SNX29: variants seen among roughly 807,000 people sequenced by gnomAD.
The protein encoded by SNX29 is sorting nexin 29, also known as sorting nexin-29.
A neutral mutation model predicts 102.1 loss-of-function variants in SNX29; 78 were observed. The ratio of observed to expected loss-of-function variants is 0.76; its 90% CI spans 0.64 to 0.92. The LOEUF is 0.92. Among genes scored for constraint, SNX29 ranks in the 40% least tolerant of loss-of-function variants. The pLI is 0.00. For missense variants in SNX29, 1,280 were observed against 1,061.7 expected, an observed-to-expected ratio of 1.21 and a Z score of -2.86; for synonymous variants, 580 against 414.5, an observed-to-expected ratio of 1.40 and a Z score of -4.85.
At chr16:12,204,034 CA>C (rs1033531176) in intron 14 of SNX29, among the ~76,000 whole-genome samples, 1 of 152,214 alleles carries the variant, frequency 6.6e-6, no homozygotes, top group African/African-American at 2.4e-5. Flanking sequence ...CGTTAGTACA[CA>C]ATCAACAAGA....
At chr16:12,491,966 T>C (rs969777817) in intron 19 of SNX29, among the ~76,000 whole-genome samples, 1 of 152,222 alleles carries the variant, frequency 6.6e-6, no homozygotes, top group Non-Finnish European at 1.5e-5. Flanking sequence ...TCTTTGCTAT[T>C]GTGAATAGTG....
intron 18 of SNX29, among the ~76,000 whole-genome samples, chr16:12,466,874 C>T (rs576762295): frequency 6.6e-6 from 1 of 152,152 alleles, no homozygotes; most frequent in East Asian, 1.9e-4. Flanking sequence ...CATGAGTCCT[C>T]TAACAGAGGC....
At chr16:12,387,555 A>G (rs1455911656) in intron 16 of SNX29, among the ~76,000 whole-genome samples, 1 of 152,094 alleles carries the variant, frequency 6.6e-6, no homozygotes, top group Non-Finnish European at 1.5e-5. Context: ...AGGGTGAGAA[A>G]GGCCATTTTG....
At chr16:12,457,835 C>G (rs550181973) in intron 18 of SNX29, among the ~76,000 whole-genome samples, 1 of 152,328 alleles carries the variant, frequency 6.6e-6, no homozygotes, top group East Asian at 1.9e-4. Flanking sequence ...GGTAAATTAA[C>G]TGTATTACGA....
intron 1 of SNX29, among the ~76,000 whole-genome samples, chr16:11,998,028 G>A (rs1458673767): frequency 6.6e-6 from 1 of 152,196 alleles, no homozygotes; most frequent in Non-Finnish European, 1.5e-5. Flanking sequence ...TTCCTGGCAT[G>A]TAGGATGCGC....
At chr16:12,265,274 GA>G (rs1489509843) in intron 14 of SNX29, among the ~76,000 whole-genome samples, 2 of 152,166 alleles carry the variant, frequency 1.3e-5, no homozygotes, top group African/African-American at 4.8e-5. Flanking sequence ...ACTTGGGGGG[GA>G]GAAACATGAG....
At chr16:12,414,275 GA>G (rs2084532743) in intron 18 of SNX29, among the ~76,000 whole-genome samples, 1 of 152,204 alleles carries the variant, frequency 6.6e-6, no homozygotes, top group Admixed American at 6.5e-5. Context: ...TCAGCAGACT[GA>G]GGTAAGAGAA....
At chr16:12,438,601 A>T (rs8062966) in intron 18 of SNX29, among the ~76,000 whole-genome samples, 60,064 of 152,132 alleles carry the variant, frequency 0.39, 12,226 homozygotes, top group African/African-American at 0.49. Context: ...AGAGGCAGTG[A>T]GGCTGCCTGG....
rs754336940 is a variant in SNX29, at chr16:12,052,067, A to G, written c.969A>G (p.Ser323=). The change falls in exon 8 of 21, where the codon TCA becomes TCG. Residue 323 remains serine (S), a synonymous_variant. Transcript: ENST00000566228. ...PNSNGSQSSN[S]WKIDSLSLNG... is the part of the protein sequence containing the mutation. ...CCAATGGAAGTCAGAGCAGCAACTCATGGAAAATTGATTCCCTGTCTTTGA... is the reference window on the plus strand; with the variant it reads ...CCAATGGAAGTCAGAGCAGCAACTCGTGGAAAATTGATTCCCTGTCTTTGA... 6.2e-6 allele frequency: 10 copies of G among 1,612,542 alleles called. No homozygotes were observed. The East Asian group carries it at 6.7e-5, about 11-fold the overall frequency.
At chr16:12,193,362 T>C (rs1002999498) in intron 13 of SNX29, among the ~76,000 whole-genome samples, 1 of 150,724 alleles carries the variant, frequency 6.6e-6, no homozygotes, top group Non-Finnish European at 1.5e-5. Context: ...CCCAGCTACT[T>C]GGGATCTGAG....
chr16:12,192,923 A>T (rs1313086461), intron 13 of SNX29, among the ~76,000 whole-genome samples: 1 of 152,124 alleles, frequency 6.6e-6, no homozygotes, highest in Non-Finnish European at 1.5e-5. Flanking sequence ...GCTGGTCTTG[A>T]ACTCCTGACC....
intron 18 of SNX29, among the ~76,000 whole-genome samples, chr16:12,436,658 C>T (rs376314849): frequency 3.9e-5 from 6 of 152,196 alleles, no homozygotes; most frequent in Admixed American, 1.3e-4. Context: ...ACTTTCTGAC[C>T]GGGGGACTTT....
chr16:12,500,374 C>T (rs570294739), intron 19 of SNX29, among the ~76,000 whole-genome samples: 22 of 152,148 alleles, frequency 1.4e-4, no homozygotes, highest in Admixed American at 3.9e-4. Context: ...ACCCAGAAGG[C>T]GGAAATAACT....
chr16:12,547,643 A>T (rs1300161453), intron 20 of SNX29, among the ~76,000 whole-genome samples: 4 of 152,052 alleles, frequency 2.6e-5, no homozygotes, highest in African/African-American at 4.8e-5. Context: ...GGATGGAGAT[A>T]TGATTCCCAC....
chr16:12,532,717 G>A (rs1321540439), intron 20 of SNX29, among the ~76,000 whole-genome samples: 1 of 152,160 alleles, frequency 6.6e-6, no homozygotes, highest in Non-Finnish European at 1.5e-5. Flanking sequence ...GGAAAGAGAG[G>A]GCAGGAAGAG....
chr16:12,267,880 C>T (rs759297645), intron 14 of SNX29, among the ~76,000 whole-genome samples: 1 of 152,180 alleles, frequency 6.6e-6, no homozygotes, highest in Admixed American at 6.5e-5. Flanking sequence ...GAATAAAATA[C>T]CATAGCCTGC....
chr16:11,982,423 G>GTTTTTTTTTTTTTTTTT (rs60761477), intron 1 of SNX29, among the ~76,000 whole-genome samples: 4 of 120,354 alleles, frequency 3.3e-5, no homozygotes, highest in East Asian at 2.4e-4. Flanking sequence ...CTTTCCATCA[G>GTTTTTTTTTTTTTTTTT]TTTTTTTTTT....
At chr16:12,425,623 A>G (rs1482744901) in intron 18 of SNX29, among the ~76,000 whole-genome samples, 1 of 151,948 alleles carries the variant, frequency 6.6e-6, no homozygotes, top group African/African-American at 2.4e-5. Flanking sequence ...CAAGGGGAAA[A>G]AAATCCAACA....
At chr16:12,528,726 C>G (rs990075635) in intron 20 of SNX29, among the ~76,000 whole-genome samples, 37 of 152,226 alleles carry the variant, frequency 2.4e-4, no homozygotes, top group African/African-American at 8.7e-4. Context: ...CTCCACTGCT[C>G]CCACGGCCCC....
Sources: allele counts gnomAD v4.1 joint callset (sites outside exome capture counted in the v4.1 genomes callset), GRCh38; gene constraint gnomAD v4.1.1; transcripts MANE v1.5; gene names NCBI Gene and HGNC (gene_info 2026-07-23, HGNC 2026-07-21).